The following PAPSS2 variants were observed in gnomAD, a reference collection of about 807,000 sequenced individuals.
PAPSS2 encodes the protein bifunctional 3'-phosphoadenosine 5'-phosphosulfate synthase 2.
PAPSS2 carries 61 observed loss-of-function variants against 66.5 expected under a neutral mutation model. That is an observed-to-expected ratio of 0.92 (90% CI 0.75 to 1.14). The LOEUF is 1.14. PAPSS2 is among the 50% of genes most tolerant of loss of function. The probability of loss-of-function intolerance (pLI) is 0.00; values close to 1 mark genes in which losing one functional copy is unlikely to be tolerated. For synonymous variants in PAPSS2, 289 were observed against 287.5 expected (o/e 1.01, Z -0.05); for missense variants, 708 against 789.6 (o/e 0.90, Z 1.24).
intron 1 of PAPSS2, among the ~76,000 whole-genome samples, chr10:87,690,720 ATTTTTC>A (rs1853162158): frequency 6.6e-6 from 1 of 151,946 alleles, no homozygotes; most frequent in Non-Finnish European, 1.5e-5. Flanking sequence ...AAAAACAACT[ATTTTTC>A]TTTTTCTAAC....
At chr10:87,737,642 G>A (rs1853817033) in intron 9 of PAPSS2, among the ~76,000 whole-genome samples, 1 of 152,000 alleles carries the variant, frequency 6.6e-6, no homozygotes. Flanking sequence ...TTATCATAGT[G>A]AGAACCTGTC....
chr10:87,660,152 A>C, intron 1 of PAPSS2, 144 bp downstream of exon 1: 4 of 826,208 alleles, frequency 4.8e-6, no homozygotes, highest in Non-Finnish European at 8.1e-6. Flanking sequence ...GGAGGGAAGC[A>C]AGAGAAAGAG....
intron 1 of PAPSS2, among the ~76,000 whole-genome samples, chr10:87,685,711 A>G (rs756922747): frequency 8.5e-5 from 13 of 152,150 alleles, no homozygotes; most frequent in African/African-American, 3.1e-4. Flanking sequence ...TTCACAATGC[A>G]TGTTTCTTTC....
intron 1 of PAPSS2, among the ~76,000 whole-genome samples, chr10:87,699,257 C>T (rs140097696): frequency 5.6e-4 from 85 of 152,140 alleles, no homozygotes; most frequent in African/African-American, 1.8e-3. Flanking sequence ...GGATTCATTG[C>T]CTTAAATATT....
At position 87,659,923 on chromosome 10, in the gene PAPSS2, C is replaced by T; in HGVS notation, c.-59C>T. ...CTGCTGCTGCCGCCGCCGCCGCCGC[C>T]GTCCCTGCGTCCTTCGGTCTCTGCT... On this transcript the variant is annotated 5_prime_UTR_variant, in exon 1 of 13. Coordinates refer to ENST00000456849, the MANE Select transcript of PAPSS2 (RefSeq NM_001015880.2). The T allele has an allele frequency of 6.3e-7, 1 of 1,587,300 alleles. No homozygotes were observed. Among genetic ancestry groups the T allele is most frequent in the African/African-American group, 1.3e-5 (1 of 74,474 alleles).
chr10:87,699,622 C>T lies in PAPSS2; in HGVS notation c.28-9574C>T, dbSNP rs12256809. ...ATCCTAGCACTTTGGGAGGCTGAGG[C>T]GGGCCAATCACGAGGTCAAGAGAGT... is the stretch of plus-strand genomic sequence containing the variant. On this transcript the variant is annotated intron_variant, in intron 1 of 12. Transcript: ENST00000456849. Among the ~76,000 whole-genome samples the T allele has an allele frequency of 1.6e-3, 251 of 152,188 alleles. 1 individual carries two copies. Among genetic ancestry groups the T allele is most frequent in the African/African-American group, 5.5e-3 (230 of 41,530 alleles).
intron 1 of PAPSS2, among the ~76,000 whole-genome samples, chr10:87,695,224 G>A (rs1463052646): frequency 1.3e-5 from 2 of 152,220 alleles, no homozygotes; most frequent in Non-Finnish European, 2.9e-5. Context: ...GGTGAGGGCT[G>A]CCTTCTTGCT....
chr10:87,714,814 C>G lies in PAPSS2; in HGVS notation c.590C>G (p.Ser197Cys). 1 of 1,613,158 alleles carries G rather than the reference C, an allele frequency of 6.2e-7. No individual in the cohort carries two copies. The change falls in exon 5 of 13, where the codon TCC (serine) becomes TGC (cysteine). Residue 197 changes from serine (S) to cysteine (C), a missense_variant. Transcript: ENST00000456849. Reference sequence around the variant, plus strand: ...GAGCGTGTGCTTAAAACCAATTTGTCCACAGTGAGTGACTGTGTCCACCAG... The same window carrying G: ...GAGCGTGTGCTTAAAACCAATTTGTGCACAGTGAGTGACTGTGTCCACCAG... The part of the protein sequence containing the change: ...TPERVLKTNL[S>C]TVSDCVHQVV...
At chr10:87,718,968 T>C (rs1007647559) in intron 7 of PAPSS2, among the ~76,000 whole-genome samples, 3 of 152,192 alleles carry the variant, frequency 2.0e-5, no homozygotes, top group African/African-American at 7.2e-5. Context: ...GTCTGAAACT[T>C]TCTGTAAGAT....
rs769209830 is a variant in PAPSS2 at position 87,741,490 on chromosome 10, G to A, written c.1222+120G>A. 36 of 836,476 alleles carry A rather than the reference G, an allele frequency of 4.3e-5. No individual in the cohort carries two copies. The Admixed American group carries it at 5.9e-4, about 14-fold the overall frequency. The allele number at this position is 836,476 out of a possible 1,614,324, so 51.8% of individuals were successfully genotyped here. A position where few individuals can be genotyped will look rare whatever the true frequency, so the allele number is the denominator to read the frequency against. On this transcript the variant is annotated intron_variant, in intron 10 of 12. Transcript: ENST00000456849. Reference sequence around the variant, plus strand: ...GCTCACTGCAACCTCTGCCTCCCAGGTTCAAGTAATTCTCCTGCCTCAGCC... The same window carrying A: ...GCTCACTGCAACCTCTGCCTCCCAGATTCAAGTAATTCTCCTGCCTCAGCC...
chr10:87,699,944 T>C (rs1326898964), intron 1 of PAPSS2, among the ~76,000 whole-genome samples: 1 of 151,642 alleles, frequency 6.6e-6, no homozygotes, highest in Non-Finnish European at 1.5e-5. Context: ...AGAAGGAAAA[T>C]AGTTACCTAA....
intron 7 of PAPSS2, among the ~76,000 whole-genome samples, chr10:87,719,015 C>A (rs1853565437): frequency 6.6e-6 from 1 of 152,158 alleles, no homozygotes; most frequent in Non-Finnish European, 1.5e-5. Flanking sequence ...GCTGGTTCCA[C>A]CATCTACCTC....
chr10:87,737,706 C>T (rs1462084231), intron 9 of PAPSS2, among the ~76,000 whole-genome samples: 1 of 151,978 alleles, frequency 6.6e-6, no homozygotes, highest in East Asian at 1.9e-4. Context: ...GCTTGTAGTC[C>T]CAGCTACTTG....
At chr10:87,686,570 T>G (rs1357890766) in intron 1 of PAPSS2, among the ~76,000 whole-genome samples, 2 of 152,176 alleles carry the variant, frequency 1.3e-5, no homozygotes, top group East Asian at 3.8e-4. Context: ...ATAACTAATG[T>G]CAAGGTTATG....
At chr10:87,674,314 GCCACCACACC>G (rs893323467) in intron 1 of PAPSS2, among the ~76,000 whole-genome samples, 6 of 152,130 alleles carry the variant, frequency 3.9e-5, no homozygotes, top group Non-Finnish European at 7.4e-5. Context: ...ACAGGCACGT[GCCACCACACC>G]CGGCTAATTT....
Position 87,714,771 on chromosome 10 carries a change from G to T in PAPSS2, c.547G>T (p.Glu183Ter). 6.2e-7 allele frequency: 1 copy of T among 1,610,060 alleles called. No individual in the cohort carries two copies. The highest frequency in any genetic ancestry group is 1.1e-5 in the South Asian group (1 of 90,928). ...KGFTGIDSDY[E>*]KPETPERVLK... ...ATTTACAGGTATTGATTCTGATTATGAGAAACCTGAAACTCCTGAGCGTGT... is the reference window on the plus strand; with the variant it reads ...ATTTACAGGTATTGATTCTGATTATTAGAAACCTGAAACTCCTGAGCGTGT... The change falls in exon 5 of 13, where the codon GAG (glutamate) becomes TAG (stop). Residue 183 changes from glutamate to a stop codon, truncating the protein, a stop_gained. Transcript: ENST00000456849. LOFTEE classifies it high-confidence loss of function.
At chr10:87,730,487 A>G (rs1273553554) in intron 9 of PAPSS2, among the ~76,000 whole-genome samples, 1 of 152,188 alleles carries the variant, frequency 6.6e-6, no homozygotes, top group East Asian at 1.9e-4. Flanking sequence ...AGACCTTTAA[A>G]TGTGTCAAAG....
At chr10:87,692,280 A>G (rs1853181271) in intron 1 of PAPSS2, among the ~76,000 whole-genome samples, 1 of 152,186 alleles carries the variant, frequency 6.6e-6, no homozygotes, top group Non-Finnish European at 1.5e-5. Flanking sequence ...TCTGGGGGGA[A>G]TCATACCTAC....
intron 1 of PAPSS2, among the ~76,000 whole-genome samples, chr10:87,707,485 GTAGCCCTCTT>G (rs1853405368): frequency 6.6e-6 from 1 of 150,776 alleles, no homozygotes; most frequent in South Asian, 2.1e-4. Flanking sequence ...AGTTCTAGTT[GTAGCCCTCTT>G]TAGTTTCTAT....
Sources: allele counts gnomAD v4.1 joint callset (sites outside exome capture counted in the v4.1 genomes callset), GRCh38; gene constraint gnomAD v4.1.1; transcripts MANE v1.5; gene names NCBI Gene and HGNC (gene_info 2026-07-23, HGNC 2026-07-21).